Variants in ACYP2 observed in about 807,000 individuals in gnomAD.
ACYP2 encodes the protein acylphosphatase-2.
A neutral mutation model predicts 11.2 loss-of-function variants in ACYP2; 12 were observed. The ratio of observed to expected loss-of-function variants is 1.08; its 90% CI spans 0.69 to 1.74. The LOEUF (loss-of-function observed/expected upper bound fraction) is 1.74, where lower values mean the gene tolerates loss of function less well. Among genes scored for constraint, ACYP2 ranks in the 40% most tolerant of loss-of-function variants. The pLI is 0.00. For synonymous variants in ACYP2, 43 were observed against 32.2 expected (o/e 1.33, Z -1.13); for missense variants, 134 against 101.9 (o/e 1.31, Z -1.35).
intron 4 of ACYP2, among the ~76,000 whole-genome samples, chr2:54,105,333 A>G (rs1679099123): frequency 6.6e-6 from 1 of 152,002 alleles, no homozygotes; most frequent in Non-Finnish European, 1.5e-5. Flanking sequence ...AGCTTTCTAC[A>G]TGCTATTCCC....
At chr2:54,190,285 A>G (rs751351110) in intron 6 of ACYP2, among the ~76,000 whole-genome samples, 93 of 152,154 alleles carry the variant, frequency 6.1e-4, no homozygotes, top group Non-Finnish European at 7.9e-4. Context: ...ATCCTTTAAA[A>G]CAAACAAAAC....
Position 54,115,781 on chromosome 2 carries a change from G to T in ACYP2, c.278-19672G>T, listed in dbSNP as rs762096162. 18 of 1,581,048 alleles carry T rather than the reference G, an allele frequency of 1.1e-5. No homozygotes were observed. In the East Asian group the frequency reaches 3.6e-4, roughly 31 times the overall value. ...GGTAGGAGGCCCCTCTACGGTGGGA[G>T]ATCAAAAAGGTTATGGGAGGAAGGG... On this transcript the variant is annotated intron_variant, in intron 4 of 6. Transcript: ENST00000607452.
At chr2:54,008,241 A>T (rs1673180960) in intron 2 of ACYP2, among the ~76,000 whole-genome samples, 1 of 152,152 alleles carries the variant, frequency 6.6e-6, no homozygotes, top group Non-Finnish European at 1.5e-5. Context: ...CTACACACTA[A>T]AGTCCACTAA....
At chr2:54,101,890 G>T (rs1443302946) in intron 4 of ACYP2, among the ~76,000 whole-genome samples, 1 of 152,134 alleles carries the variant, frequency 6.6e-6, no homozygotes, top group African/African-American at 2.4e-5. Context: ...GGATTAGTGT[G>T]ATACATTTGT....
chr2:54,104,257 G>A (rs1039317919), intron 4 of ACYP2, among the ~76,000 whole-genome samples: 1 of 152,206 alleles, frequency 6.6e-6, no homozygotes. Flanking sequence ...TTGGAGAACA[G>A]AATCAAGATA....
chr2:53,990,921 C>G (rs1389053824), intron 2 of ACYP2, among the ~76,000 whole-genome samples: 1 of 151,864 alleles, frequency 6.6e-6, no homozygotes. Context: ...CTCAGCCTCC[C>G]GAGTAGCTGT....
intron 6 of ACYP2, among the ~76,000 whole-genome samples, chr2:54,203,617 T>A (rs903519384): frequency 6.6e-6 from 1 of 152,194 alleles, no homozygotes; most frequent in Non-Finnish European, 1.5e-5. Context: ...CTTTCTCAAG[T>A]GGAGAAAGCT....
At chr2:54,190,855 C>T (rs1442902245) in intron 6 of ACYP2, among the ~76,000 whole-genome samples, 1 of 152,098 alleles carries the variant, frequency 6.6e-6, no homozygotes, top group Non-Finnish European at 1.5e-5. Context: ...AATTTTCTCC[C>T]CCAACTCATT....
intron 4 of ACYP2, among the ~76,000 whole-genome samples, chr2:54,123,634 CTT>C (rs1466825447): frequency 1.3e-5 from 2 of 152,124 alleles, no homozygotes; most frequent in African/African-American, 4.8e-5. Context: ...TTCCCCACTT[CTT>C]CCTCCATCCC....
intron 4 of ACYP2, among the ~76,000 whole-genome samples, chr2:54,102,275 A>G (rs1678936237): frequency 6.6e-6 from 1 of 152,212 alleles, no homozygotes; most frequent in Non-Finnish European, 1.5e-5. Flanking sequence ...TACAAGTAAG[A>G]TATAATTGTT....
intron 6 of ACYP2, chr2:54,255,879 A>C: frequency 6.2e-7 from 1 of 1,614,046 alleles, no homozygotes; most frequent in Non-Finnish European, 8.5e-7. Context: ...CGGGTGGTGG[A>C]GTCACTTCCT....
intron 6 of ACYP2, among the ~76,000 whole-genome samples, chr2:54,262,466 T>C (rs1331630465): frequency 6.6e-6 from 1 of 152,218 alleles, no homozygotes; most frequent in East Asian, 1.9e-4. Context: ...TAGATAAAAA[T>C]TTTTAAGTAT....
intron 6 of ACYP2, chr2:54,255,858 T>G: frequency 6.2e-7 from 1 of 1,614,018 alleles, no homozygotes; most frequent in Non-Finnish European, 8.5e-7. Flanking sequence ...AGGCCGCTTC[T>G]AGGCCCTCCG....
chr2:54,230,829 CTTTTTT>C (rs34359444), intron 6 of ACYP2, among the ~76,000 whole-genome samples: 2 of 129,420 alleles, frequency 1.5e-5, no homozygotes, highest in African/African-American at 2.9e-5. Context: ...TCTTTCTTTT[CTTTTTT>C]TTTTTTTTTT....
intron 4 of ACYP2, among the ~76,000 whole-genome samples, chr2:54,108,144 A>C (rs571688406): frequency 1.3e-5 from 2 of 152,344 alleles, no homozygotes; most frequent in African/African-American, 2.4e-5. Context: ...TGTGCTTATC[A>C]CAGAACCAGC....
chr2:54,215,241 C>A (rs1206582529), intron 6 of ACYP2, among the ~76,000 whole-genome samples: 2 of 152,092 alleles, frequency 1.3e-5, no homozygotes, highest in Admixed American at 1.3e-4. Flanking sequence ...CCTTTTATTT[C>A]TTTTTCTTGC....
intron 2 of ACYP2, among the ~76,000 whole-genome samples, chr2:54,008,807 A>T (rs577771423): frequency 1.1e-4 from 17 of 152,260 alleles, no homozygotes; most frequent in African/African-American, 3.9e-4. Context: ...CTCTGCTAGC[A>T]AGGTAGCCTC....
intron 5 of ACYP2, among the ~76,000 whole-genome samples, 155 bp from the exon 3 acceptor site, chr2:54,138,484 T>C (rs1246606492): frequency 2.0e-5 from 3 of 152,254 alleles, no homozygotes; most frequent in Non-Finnish European, 2.9e-5. Context: ...AAGGTTCTTA[T>C]AAGTAGAGGT....
intron 4 of ACYP2, among the ~76,000 whole-genome samples, chr2:54,061,839 C>G (rs74375656): frequency 0.01 from 1,541 of 152,122 alleles, 31 homozygotes; most frequent in African/African-American, 0.035. Flanking sequence ...TTTGAGAGGG[C>G]AAGGTGGGAG....
Sources: allele counts gnomAD v4.1 joint callset (sites outside exome capture counted in the v4.1 genomes callset), GRCh38; gene constraint gnomAD v4.1.1; transcripts MANE v1.5; gene names NCBI Gene and HGNC (gene_info 2026-07-23, HGNC 2026-07-21).